The following SIPA1L2 variants were observed in gnomAD, a reference collection of about 807,000 sequenced individuals.
SIPA1L2 encodes signal induced proliferation associated 1 like 2.
A neutral mutation model predicts 163.9 loss-of-function variants in SIPA1L2; 56 were observed. That is an observed-to-expected ratio of 0.34 (90% CI 0.28 to 0.43). The LOEUF is 0.43. Among genes scored for constraint, SIPA1L2 ranks in the 20% least tolerant of loss-of-function variants. SIPA1L2 has a pLI of 1.00. For missense variants in SIPA1L2, 1,974 were observed against 2,193.5 expected (o/e 0.90, Z 2.00); for synonymous variants, 877 against 865.7 (o/e 1.01, Z -0.23).
In SIPA1L2 at chr1:232,493,604, G is replaced by A; in HGVS notation, c.1540C>T (p.Arg514Trp). Residue 514 changes from arginine to tryptophan, a missense_variant, in exon 4 of 23, where the codon CGG becomes TGG. Arg to Trp is a moderately radical substitution (Grantham distance 101). Coordinates refer to ENST00000674635, the MANE Select transcript of SIPA1L2 (RefSeq NM_020808.5). ...ENLGPVAVSI[R>W]REKVEDAKEK... Reference sequence around the variant, plus strand: ...TTGGCATCTTCCACCTTCTCTCTCCGGATGCTGACTGCTACTGGACCAAGG... The same window carrying A: ...TTGGCATCTTCCACCTTCTCTCTCCAGATGCTGACTGCTACTGGACCAAGG... 4 of 1,613,994 alleles carry A rather than the reference G, an allele frequency of 2.5e-6. No individual in the cohort carries two copies. The highest frequency in any genetic ancestry group is 1.7e-5 in the Admixed American group (1 of 59,994).
rs562776802 is a variant in SIPA1L2 at position 232,461,129 on chromosome 1, C to A, written c.2853G>T (p.Met951Ile). The stretch of plus-strand genomic sequence containing the variant: ...GGCCCAGCCCGTTCCTCCTCAGGGT[C>A]ATTTCCACAGTCTCGCAGCCTCTCG... ...IVTRGCETVE[M>I]TLRRNGLGQL... is the part of the protein sequence containing the mutation. Residue 951 changes from methionine (M) to isoleucine (I), a missense_variant, in exon 10 of 23, where the codon ATG (methionine) becomes ATT (isoleucine). Around this residue, in one of 3 missense-constraint regions of SIPA1L2, gnomAD observed 1,079 missense variants for 1,150.7 expected, o/e 0.94. Coordinates refer to ENST00000674635, the MANE Select transcript of SIPA1L2 (RefSeq NM_020808.5). 2 of 1,614,258 alleles carry A rather than the reference C, an allele frequency of 1.2e-6. No homozygotes were observed. The highest frequency in any genetic ancestry group is 4.5e-5 in the East Asian group (2 of 44,890).
intron 1 of SIPA1L2, among the ~76,000 whole-genome samples, chr1:232,617,290 A>C (rs1315547670): frequency 6.6e-6 from 1 of 152,262 alleles, no homozygotes; most frequent in Non-Finnish European, 1.5e-5. Flanking sequence ...CCTCATCTCC[A>C]GAATGAATGG....
intron 19 of SIPA1L2, among the ~76,000 whole-genome samples, chr1:232,404,888 C>T (rs982519991): frequency 6.6e-6 from 1 of 152,156 alleles, no homozygotes; most frequent in Non-Finnish European, 1.5e-5. Flanking sequence ...ACTTATGTAT[C>T]TACAGTAGGA....
chr1:232,489,135 C>A (rs1665797638), intron 5 of SIPA1L2, among the ~76,000 whole-genome samples: 1 of 152,176 alleles, frequency 6.6e-6, no homozygotes, highest in Non-Finnish European at 1.5e-5. Flanking sequence ...CCACCAGGCA[C>A]CTGCTCTGTA....
At chr1:232,399,406 T>C in intron 22 of SIPA1L2, 133 bp from the exon 23 acceptor site, 1 of 919,698 alleles carries the variant, frequency 1.1e-6, no homozygotes. Context: ...TGACTTTCTT[T>C]AGTGAGGGGA....
At chr1:232,430,219 T>C (rs1662148144) in intron 16 of SIPA1L2, among the ~76,000 whole-genome samples, 1 of 152,176 alleles carries the variant, frequency 6.6e-6, no homozygotes, top group Admixed American at 6.5e-5. Context: ...GCGAAGACAC[T>C]GTAGGAAGTA....
rs187218900 is a variant in SIPA1L2 at position 232,515,451 on chromosome 1, G to T, written c.-112C>A. On this transcript the variant is annotated 5_prime_UTR_variant, in exon 3 of 23. Transcript: ENST00000674635. ...AGATATAAAGGCTTTGTCTGTAGTT[G>T]TATTTTTTCTTTTCTTAGCCCAAAG... The T allele has an allele frequency of 2.2e-5, 26 of 1,205,158 alleles. No homozygotes were observed. In the East Asian group the frequency reaches 6.1e-4, roughly 28 times the overall value. 74.7% of individuals were successfully genotyped at this position (1,205,158 alleles called of 1,614,324 possible).
chr1:232,443,453 C>T lies in SIPA1L2; in HGVS notation c.3437+149G>A, dbSNP rs115373116. The T allele has an allele frequency of 2.0e-5, 10 of 506,852 alleles. No homozygotes were observed. The Admixed American group carries it at 3.8e-4, about 19-fold the overall frequency. 31.4% of individuals were successfully genotyped at this position (506,852 alleles called of 1,614,324 possible). A position where few individuals can be genotyped will look rare whatever the true frequency, so the allele number is the denominator to read the frequency against. On this transcript the variant is annotated intron_variant, in intron 12 of 22. Coordinates refer to ENST00000674635, the MANE Select transcript of SIPA1L2 (RefSeq NM_020808.5). The stretch of plus-strand genomic sequence containing the variant: ...TACACAGAAATAATGAGCTTTCCAA[C>T]CTGGACAAGTCACTTGTTAAAAGCA...
chr1:232,431,386 A>G (rs1450444407), intron 16 of SIPA1L2, among the ~76,000 whole-genome samples: 1 of 152,234 alleles, frequency 6.6e-6, no homozygotes, highest in Non-Finnish European at 1.5e-5. Flanking sequence ...AGAAGGCAAT[A>G]TCATATGAGC....
intron 2 of SIPA1L2, among the ~76,000 whole-genome samples, chr1:232,536,775 T>TA (rs886300455): frequency 4.0e-5 from 6 of 151,126 alleles, no homozygotes; most frequent in Admixed American, 2.0e-4. Flanking sequence ...TTCTTCTGCC[T>TA]AAAAAAAAAT....
chr1:232,408,014 C>T (rs1208142638), intron 19 of SIPA1L2, among the ~76,000 whole-genome samples: 1 of 152,092 alleles, frequency 6.6e-6, no homozygotes, highest in Non-Finnish European at 1.5e-5. Context: ...ATCAGGTACC[C>T]CCAAACTTGA....
At chr1:232,406,852 C>T (rs1660667894) in intron 19 of SIPA1L2, among the ~76,000 whole-genome samples, 1 of 152,206 alleles carries the variant, frequency 6.6e-6, no homozygotes, top group South Asian at 2.1e-4. Flanking sequence ...AAACCTATTT[C>T]CACAAATAAA....
At chr1:232,500,984 C>T (rs1390370819) in intron 3 of SIPA1L2, among the ~76,000 whole-genome samples, 1 of 150,836 alleles carries the variant, frequency 6.6e-6, no homozygotes, top group Non-Finnish European at 1.5e-5. Context: ...AGGCAAGATC[C>T]TCCATCAGAA....
At chr1:232,451,623 T>C (rs536621823) in intron 10 of SIPA1L2, among the ~76,000 whole-genome samples, 20 of 152,314 alleles carry the variant, frequency 1.3e-4, no homozygotes, top group African/African-American at 4.3e-4. Flanking sequence ...TCAGACCTCA[T>C]TGATACACAT....
In SIPA1L2 at chr1:232,465,221, C is replaced by T. The variant is rs371330659; in HGVS notation, c.2439G>A (p.Ala813=). The change falls in exon 9 of 23, where the codon GCG becomes GCA. Residue 813 remains alanine (A), a synonymous_variant. Transcript: ENST00000674635. This position sits in a 1 kb window ranked among gnomAD's most constrained non-coding sequence, Gnocchi z 4.1. The part of the protein sequence containing the change: ...RTRQEYLKDL[A]ENFVTTATVD... ...CGGTGGCGGTTGTGACAAAGTTCTCCGCCAGATCTTTCAAGTACTCCTGCC... is the reference window on the plus strand; with the variant it reads ...CGGTGGCGGTTGTGACAAAGTTCTCTGCCAGATCTTTCAAGTACTCCTGCC... 2.3e-5 allele frequency: 37 copies of T among 1,614,036 alleles called. No homozygotes were observed. The highest frequency in any genetic ancestry group is 1.2e-4 in the African/African-American group (9 of 74,924).
Position 232,425,811 on chromosome 1 carries a change from AG to A in SIPA1L2, c.4411-4del, listed in dbSNP as rs745489237. 5.0e-6 allele frequency: 8 copies of A among 1,612,930 alleles called. No homozygotes were observed. In the African/African-American group the frequency reaches 9.3e-5, roughly 19 times the overall value. ...GACAGGTTCCCATAGAACGAAAACTAGGGTTTAAACAAGGTGCGAGGAGGGA... is the reference window on the plus strand; with the variant it reads ...GACAGGTTCCCATAGAACGAAAACTAGGTTTAAACAAGGTGCGAGGAGGGA... On this transcript the variant is annotated splice_region_variant and splice_polypyrimidine_tract_variant and intron_variant, in intron 17 of 22. Coordinates refer to ENST00000674635, the MANE Select transcript of SIPA1L2 (RefSeq NM_020808.5).
At chr1:232,422,904 G>A (rs1661654246) in intron 18 of SIPA1L2, among the ~76,000 whole-genome samples, 1 of 152,120 alleles carries the variant, frequency 6.6e-6, no homozygotes, top group Admixed American at 6.5e-5. Context: ...TCTACAGAAT[G>A]GCCAGAAACC....
At chr1:232,602,325 G>A (rs1027165453) in intron 1 of SIPA1L2, among the ~76,000 whole-genome samples, 4 of 152,088 alleles carry the variant, frequency 2.6e-5, no homozygotes, top group Admixed American at 2.0e-4. Flanking sequence ...CCCTCAGAAG[G>A]TTTTTTGTTT....
intron 3 of SIPA1L2, among the ~76,000 whole-genome samples, chr1:232,497,882 T>C (rs1159937431): frequency 6.6e-6 from 1 of 152,194 alleles, no homozygotes; most frequent in Non-Finnish European, 1.5e-5. Flanking sequence ...CTCAGTGATA[T>C]CATCCCAAGC....
Sources: gnomAD v4.1 joint callset for allele counts (sites outside exome capture counted in the v4.1 genomes callset) on GRCh38, gnomAD v4.1.1 for gene constraint, gnomAD v4.1.1 regional missense constraint, Gnocchi (gnomAD v3.1) non-coding constraint, MANE v1.5 for transcripts, NCBI Gene and HGNC (gene_info 2026-07-23, HGNC 2026-07-21) for gene names.